Variants in TRIM13 observed in about 807,000 individuals in gnomAD.
TRIM13 encodes the protein tripartite motif containing 13, also known as E3 ubiquitin-protein ligase TRIM13.
A neutral mutation model predicts 27.1 loss-of-function variants in TRIM13; 15 were observed. The ratio of observed to expected loss-of-function variants is 0.55; its 90% confidence interval spans 0.37 to 0.85. The LOEUF is 0.85. Ranked by LOEUF, TRIM13 falls within the 40% of genes least tolerant of loss-of-function variation. The pLI is 0.00. For synonymous variants in TRIM13, 193 were observed against 171.5 expected, an observed-to-expected ratio of 1.13 and a Z score of -0.98; for missense variants, 402 against 472.2, an observed-to-expected ratio of 0.85 and a Z score of 1.38.
chr13:50,011,917 T>A lies in TRIM13; in HGVS notation c.-6-18T>A, dbSNP rs757663680. Reference sequence around the variant, plus strand: ...GTGACGGTTATTGGAGTAAAATAATTTTTTTTTTTTCTGGTAGGATGTGAT... The same window carrying A: ...GTGACGGTTATTGGAGTAAAATAATATTTTTTTTTTCTGGTAGGATGTGAT... On this transcript the variant is annotated intron_variant, in intron 1 of 1. Coordinates refer to ENST00000378182, the MANE Select transcript of TRIM13 (RefSeq NM_213590.3). 6.5e-7 allele frequency: 1 copy of A among 1,526,898 alleles called. No homozygotes were observed. Among genetic ancestry groups the A allele is most frequent in the Non-Finnish European group, 8.9e-7 (1 of 1,128,938 alleles). 94.6% of individuals were successfully genotyped at this position (1,526,898 alleles called of 1,614,324 possible).
chr13:50,010,271 C>T (rs779970905), intron 1 of TRIM13, among the ~76,000 whole-genome samples: 16 of 151,950 alleles, frequency 1.1e-4, no homozygotes, highest in Non-Finnish European at 1.5e-4. Context: ...CCGTACTGGT[C>T]GTGAACTCCT....
rs1475035121 is a variant in TRIM13, at chr13:50,015,133, A to G, written c.*1969A>G. On this transcript the variant is annotated 3_prime_UTR_variant, in exon 2 of 2. Coordinates refer to ENST00000378182, the MANE Select transcript of TRIM13 (RefSeq NM_213590.3). ...TATATATATATATATATATATATAT[A>G]TATATATATATATATATAGTTTTAC... 2.2e-5 allele frequency: 2 copies of G among 89,582 alleles called. No individual in the cohort carries two copies. Among genetic ancestry groups the G allele is most frequent in the Non-Finnish European group, 2.2e-5 (1 of 44,844 alleles). The allele number at this position is 89,582 out of a possible 1,614,324, so 5.5% of individuals were successfully genotyped here. A position where few individuals can be genotyped will look rare whatever the true frequency, so the allele number is the denominator to read the frequency against.
intron 1 of TRIM13, 73 bp downstream of exon 1, chr13:49,997,836 C>G (rs1427422778): frequency 6.6e-6 from 1 of 151,878 alleles, no homozygotes; most frequent in Admixed American, 6.6e-5. Flanking sequence ...TAGAACCTTC[C>G]AAAATGGAAC....
chr13:49,997,139 A>G lies in TRIM13; in HGVS notation c.-631A>G, dbSNP rs1385408913. 2.0e-5 allele frequency: 3 copies of G among 151,796 alleles called. No individual in the cohort carries two copies. The highest frequency in any genetic ancestry group is 7.3e-5 in the African/African-American group (3 of 41,242). 9.4% of individuals were successfully genotyped at this position (151,796 alleles called of 1,614,324 possible). A position where few individuals can be genotyped will look rare whatever the true frequency, so the allele number is the denominator to read the frequency against. On this transcript the variant is annotated 5_prime_UTR_variant, in exon 1 of 2. Coordinates refer to ENST00000378182, the MANE Select transcript of TRIM13 (RefSeq NM_213590.3). ...CTTTCCCACTAGCCGGAGGTCGGAGATAAGTACCCGCCGCCCGGCTCCTCT... is the reference window on the plus strand; with the variant it reads ...CTTTCCCACTAGCCGGAGGTCGGAGGTAAGTACCCGCCGCCCGGCTCCTCT...
chr13:50,012,780 C>G lies in TRIM13; in HGVS notation c.840C>G (p.Asn280Lys). ...SNLPASPLMK[N>K]FDTSQWEDIK... The stretch of plus-strand genomic sequence containing the variant: ...TGCCTGCAAGCCCTTTAATGAAGAA[C>G]TTTGATACCAGTCAGTGGGAAGACA... The change falls in exon 2 of 2, where the codon AAC becomes AAG. Residue 280 changes from asparagine to lysine, a missense_variant. Around this residue, in one of 2 missense-constraint regions of TRIM13, gnomAD observed 200 missense variants for 194.7 expected, o/e 1.03. Coordinates refer to ENST00000378182, the MANE Select transcript of TRIM13 (RefSeq NM_213590.3). 6.2e-7 allele frequency: 1 copy of G among 1,614,036 alleles called. No individual in the cohort carries two copies. Among genetic ancestry groups the G allele is most frequent in the Admixed American group, 1.7e-5 (1 of 60,020 alleles).
At chr13:50,005,088 AAAC>A (rs1419631094) in intron 1 of TRIM13, among the ~76,000 whole-genome samples, 1 of 152,074 alleles carries the variant, frequency 6.6e-6, no homozygotes, top group Non-Finnish European at 1.5e-5. Flanking sequence ...AAAGAAAAAA[AAAC>A]AACCAGAAAC....
intron 1 of TRIM13, among the ~76,000 whole-genome samples, chr13:50,007,301 C>T (rs980207478): frequency 6.0e-5 from 9 of 151,070 alleles, no homozygotes; most frequent in African/African-American, 2.2e-4. Context: ...CCAGCCTGTC[C>T]AAGATGGTGA....
rs1382913655 is a variant in TRIM13 at position 50,016,512 on chromosome 13, C to T, written c.*3348C>T. On this transcript the variant is annotated 3_prime_UTR_variant, in exon 2 of 2. Coordinates refer to ENST00000378182, the MANE Select transcript of TRIM13 (RefSeq NM_213590.3). ...TTCTTTCAGTTTTATGATTCAACTA[C>T]TGTTTTTCCTTCAGCTGACTTTATT... 1.2e-5 allele frequency: 2 copies of T among 170,714 alleles called. No individual in the cohort carries two copies. The highest frequency in any genetic ancestry group is 4.8e-5 in the African/African-American group (2 of 41,514). The allele number at this position is 170,714 out of a possible 1,614,324, so 10.6% of individuals were successfully genotyped here.
intron 1 of TRIM13, among the ~76,000 whole-genome samples, chr13:50,010,040 C>CTTTTTTT (rs760914119): frequency 7.4e-4 from 87 of 117,140 alleles, no homozygotes; most frequent in Non-Finnish European, 1.2e-3. Flanking sequence ...GTAATTTAAT[C>CTTTTTTT]TTTTTTTTTT....
intron 1 of TRIM13, among the ~76,000 whole-genome samples, chr13:50,008,526 TA>T (rs1375582584): frequency 6.6e-6 from 1 of 151,496 alleles, no homozygotes; most frequent in East Asian, 1.9e-4. Flanking sequence ...TAGTCTTAGC[TA>T]CTTAGGAATC....
chr13:50,001,394 C>T (rs191984229), intron 1 of TRIM13, among the ~76,000 whole-genome samples: 42 of 151,788 alleles, frequency 2.8e-4, no homozygotes, highest in African/African-American at 8.9e-4. Flanking sequence ...TCTGAACTAG[C>T]GAGGTAATGA....
rs768025899 is a variant in TRIM13 at position 50,011,947 on chromosome 13, C to T, written c.7C>T (p.Leu3=). 1.9e-6 allele frequency: 3 copies of T among 1,601,990 alleles called. No individual in the cohort carries two copies. The South Asian group carries it at 3.4e-5, about 18-fold the overall frequency. ...TTTTTTCTGGTAGGATGTGATGGAGCTGCTTGAAGAAGATCTCACATGCCC... is the reference window on the plus strand; with the variant it reads ...TTTTTTCTGGTAGGATGTGATGGAGTTGCTTGAAGAAGATCTCACATGCCC... ME[L]LEEDLTCPIC... The change falls in exon 2 of 2, where the codon CTG becomes TTG. Residue 3 remains leucine (L), a synonymous_variant. Coordinates refer to ENST00000378182, the MANE Select transcript of TRIM13 (RefSeq NM_213590.3).
At position 50,012,740 on chromosome 13, in the gene TRIM13, T is replaced by C. The variant is rs765114083; in HGVS notation, c.800T>C (p.Leu267Ser). 45 of 1,613,996 alleles carry C rather than the reference T, an allele frequency of 2.8e-5. 1 individual carries two copies. The highest frequency in any genetic ancestry group is 3.7e-5 in the Non-Finnish European group (44 of 1,180,018). Residue 267 changes from leucine to serine, a missense_variant, in exon 2 of 2, where the codon TTA becomes TCA. Leu to Ser is a moderately radical substitution (Grantham distance 145). Around this residue, in one of 2 missense-constraint regions of TRIM13, gnomAD observed 200 missense variants for 194.7 expected, o/e 1.03. Transcript: ENST00000378182. ...ATCAAAGTAATCAAGGAAACTCCTT[T>C]ACCTCCCTCTAATTTGCCTGCAAGC... ...EKIKVIKETP[L>S]PPSNLPASPL...
At chr13:50,004,737 G>A (rs1325743398) in intron 1 of TRIM13, among the ~76,000 whole-genome samples, 1 of 149,472 alleles carries the variant, frequency 6.7e-6, no homozygotes, top group Admixed American at 6.7e-5. Flanking sequence ...CCAAGATGGC[G>A]CCACTGCACT....
In TRIM13 at chr13:50,015,089, AAAAAAATAT is replaced by A. The variant is rs1876259339; in HGVS notation, c.*1927_*1935del. The A allele has an allele frequency of 6.9e-5, 3 of 43,338 alleles. No homozygotes were observed. The highest frequency in any genetic ancestry group is 1.5e-4 in the Non-Finnish European group (3 of 20,260). 2.7% of individuals were successfully genotyped at this position (43,338 alleles called of 1,614,324 possible). On this transcript the variant is annotated 3_prime_UTR_variant, in exon 2 of 2. Transcript: ENST00000378182. ...CCTCCCAGTAATAAAAAAAAAAAAA[AAAAAAATAT>A]ATATATATATATATATATATATATA...
intron 1 of TRIM13, among the ~76,000 whole-genome samples, chr13:50,000,067 T>A (rs1162477970): frequency 5.9e-5 from 9 of 152,194 alleles, no homozygotes; most frequent in Admixed American, 5.9e-4. Context: ...CCATAACTTT[T>A]ATTACCATTT....
At chr13:49,998,499 A>G (rs1475352426) in intron 1 of TRIM13, among the ~76,000 whole-genome samples, 1 of 152,230 alleles carries the variant, frequency 6.6e-6, no homozygotes, top group East Asian at 1.9e-4. Flanking sequence ...GCTCCAAAAT[A>G]ACACCTTAAA....
At chr13:50,005,769 C>T (rs1264436562) in intron 1 of TRIM13, among the ~76,000 whole-genome samples, 2 of 138,618 alleles carry the variant, frequency 1.4e-5, no homozygotes, top group Non-Finnish European at 3.1e-5. Context: ...GATGGAGTTT[C>T]ACTCTTGTGC....
At chr13:50,010,029 G>GGT (rs1875391647) in intron 1 of TRIM13, among the ~76,000 whole-genome samples, 1 of 149,224 alleles carries the variant, frequency 6.7e-6, no homozygotes, top group East Asian at 2.0e-4. Flanking sequence ...AGCCTTTTCA[G>GGT]GTAATTTAAT....
Sources: gnomAD v4.1 joint callset for allele counts (sites outside exome capture counted in the v4.1 genomes callset) on GRCh38, gnomAD v4.1.1 for gene constraint, gnomAD v4.1.1 regional missense constraint, MANE v1.5 for transcripts, NCBI Gene and HGNC (gene_info 2026-07-23, HGNC 2026-07-21) for gene names.